The following ZNF141 variants were observed in gnomAD, a reference collection of about 807,000 sequenced individuals.
ZNF141 encodes the protein zinc finger protein 141 (clone pHZ-44).
In ZNF141, 7 loss-of-function variants were observed where a neutral mutation model predicts 11.3. The ratio of observed to expected loss-of-function variants is 0.62; its 90% CI spans 0.35 to 1.16. ZNF141 has a LOEUF of 1.16. ZNF141 is among the 50% of genes most tolerant of loss of function. The probability of loss-of-function intolerance (pLI) is 0.02; values close to 1 mark genes in which losing one functional copy is unlikely to be tolerated. For missense variants in ZNF141, 535 were observed against 554.0 expected, an observed-to-expected ratio of 0.97 and a Z score of 0.34; for synonymous variants, 183 against 190.7, an observed-to-expected ratio of 0.96 and a Z score of 0.33.
rs1553855560 is a variant in ZNF141 at position 381,218 on chromosome 4, G to A, written c.*7356G>A. ...TAGTTTCCTTTGTGCCTGTTTCTCA[G>A]TTTTGCCTAAATGCTACCAATTATC... On this transcript the variant is annotated 3_prime_UTR_variant, in exon 4 of 4. Coordinates refer to ENST00000240499, the MANE Select transcript of ZNF141 (RefSeq NM_003441.4). 1.3e-5 allele frequency among the ~76,000 whole-genome samples: 2 copies of A among 151,972 alleles called. No homozygotes were observed. Among genetic ancestry groups the A allele is most frequent in the Admixed American group, 1.3e-4 (2 of 15,260 alleles).
In ZNF141 at chr4:378,802, T is replaced by C. The variant is rs373772651; in HGVS notation, c.*4940T>C. ...TCTCTGGAAAAAAATTTGAAGATTATGGCAGCTGTTGAATCCAAACAGTTT... is the reference window on the plus strand; with the variant it reads ...TCTCTGGAAAAAAATTTGAAGATTACGGCAGCTGTTGAATCCAAACAGTTT... On this transcript the variant is annotated 3_prime_UTR_variant, in exon 4 of 4. Transcript: ENST00000240499. 6.6e-6 allele frequency among the ~76,000 whole-genome samples: 1 copy of C among 151,186 alleles called. No individual in the cohort carries two copies. Among genetic ancestry groups the C allele is most frequent in the South Asian group, 2.1e-4 (1 of 4,796 alleles).
At chr4:348,576 G>T (rs1007485773) in intron 3 of ZNF141, among the ~76,000 whole-genome samples, 2 of 151,974 alleles carry the variant, frequency 1.3e-5, no homozygotes, top group Non-Finnish European at 2.9e-5. Flanking sequence ...CTAGCTAGGG[G>T]TGGTAGTGGG....
chr4:383,150 T>G lies in ZNF141; in HGVS notation c.*9288T>G, dbSNP rs868979390. ...TTTTAGCTTTCTGGAGAATAGCATC[T>G]GAGAAAAGCCAAAGTGCCTCAGTTT... On this transcript the variant is annotated 3_prime_UTR_variant, in exon 4 of 4. Coordinates refer to ENST00000240499, the MANE Select transcript of ZNF141 (RefSeq NM_003441.4). The G allele has an allele frequency of 8.8e-5, 62 of 701,792 alleles. 1 individual carries two copies. In the Middle Eastern group the frequency reaches 4.6e-3, roughly 52 times the overall value. 43.5% of individuals were successfully genotyped at this position (701,792 alleles called of 1,614,324 possible).
At chr4:353,484 A>G (rs1721705335) in intron 3 of ZNF141, among the ~76,000 whole-genome samples, 1 of 140,842 alleles carries the variant, frequency 7.1e-6, no homozygotes, top group African/African-American at 2.7e-5. Flanking sequence ...TTTTTTGGAG[A>G]CAGAGTCTCA....
In ZNF141 at chr4:382,886, A is replaced by G; in HGVS notation, c.*9024A>G. The G allele has an allele frequency of 4.5e-6, 2 of 441,056 alleles. No homozygotes were observed. Among genetic ancestry groups the G allele is most frequent in the Non-Finnish European group, 8.1e-6 (2 of 247,476 alleles). The allele number at this position is 441,056 out of a possible 1,614,324, so 27.3% of individuals were successfully genotyped here. ...TTACACAAGACACATCTACAAGAAAAGTCATGATAAAATTGATTGCAAAAA... is the reference window on the plus strand; with the variant it reads ...TTACACAAGACACATCTACAAGAAAGGTCATGATAAAATTGATTGCAAAAA... On this transcript the variant is annotated 3_prime_UTR_variant, in exon 4 of 4. Transcript: ENST00000240499.
intron 3 of ZNF141, among the ~76,000 whole-genome samples, chr4:359,581 C>CCCTG (rs1390167924): frequency 2.0e-5 from 3 of 152,146 alleles, no homozygotes; most frequent in African/African-American, 7.2e-5. Flanking sequence ...CAGGACTTCT[C>CCCTG]CCTGCCTCTA....
At position 351,471 on chromosome 4, in the gene ZNF141, C is replaced by T. The variant is rs532052145; in HGVS notation, c.226+7041C>T. On this transcript the variant is annotated intron_variant, in intron 3 of 3. Transcript: ENST00000240499. ...GTGGTCTCCTGACCTCATGATCCGC[C>T]CCTCGGCCTCCAAAAGTGCTGAGAT... Among the ~76,000 whole-genome samples, 424 of 151,646 alleles carry T rather than the reference C, an allele frequency of 2.8e-3. 4 individuals are homozygous for T. The highest frequency in any genetic ancestry group is 9.8e-3 in the African/African-American group (405 of 41,354).
Position 371,235 on chromosome 4 carries a change from A to AT in ZNF141, c.227-1415dup, listed in dbSNP as rs1174649105. Among the ~76,000 whole-genome samples, 213 of 140,394 alleles carry AT rather than the reference A, an allele frequency of 1.5e-3. 2 individuals carry two copies. The highest frequency in any genetic ancestry group is 4.0e-3 in the South Asian group (18 of 4,498). The allele number at this position is 140,394 out of a possible 152,430, so 92.1% of individuals were successfully genotyped here. A position where few individuals can be genotyped will look rare whatever the true frequency, so the allele number is the denominator to read the frequency against. On this transcript the variant is annotated intron_variant, in intron 3 of 3. Transcript: ENST00000240499. Reference sequence around the variant, plus strand: ...CTTCATTTTTAATTTTTGTTCTGGAATTTTTTTTTTTTTTGAGATGGAGTC... The same window carrying AT: ...CTTCATTTTTAATTTTTGTTCTGGAATTTTTTTTTTTTTTTGAGATGGAGTC...
intron 1 of ZNF141, among the ~76,000 whole-genome samples, chr4:340,455 C>G (rs1553848245): frequency 6.6e-6 from 1 of 152,210 alleles, no homozygotes; most frequent in African/African-American, 2.4e-5. Flanking sequence ...ATTCAGAAAT[C>G]ATGGGGCCCA....
intron 3 of ZNF141, among the ~76,000 whole-genome samples, chr4:345,120 ATG>A (rs1277757057): frequency 3.3e-5 from 5 of 152,164 alleles, no homozygotes; most frequent in Non-Finnish European, 1.5e-5. Flanking sequence ...TATGTCTAAA[ATG>A]TGTAACGTGA....
chr4:353,499 C>T (rs868936210), intron 3 of ZNF141, among the ~76,000 whole-genome samples: 14 of 146,336 alleles, frequency 9.6e-5, no homozygotes, highest in Non-Finnish European at 1.5e-4. Flanking sequence ...GTCTCACTCT[C>T]GTCCAGGCTG....
At chr4:341,779 C>T (rs538218662) in intron 1 of ZNF141, among the ~76,000 whole-genome samples, 1 of 152,348 alleles carries the variant, frequency 6.6e-6, no homozygotes, top group East Asian at 1.9e-4. Flanking sequence ...AGGGTGGCTA[C>T]TCCAGTCTCC....
chr4:338,119 G>T, intron 1 of ZNF141, 133 bp downstream of exon 1: 1 of 1,230,340 alleles, frequency 8.1e-7, no homozygotes, highest in Non-Finnish European at 1.1e-6. Flanking sequence ...GTACCCTCCG[G>T]TGAGGGACCT....
intron 3 of ZNF141, among the ~76,000 whole-genome samples, chr4:356,470 C>T (rs543485377): frequency 2.6e-4 from 40 of 151,784 alleles, no homozygotes; most frequent in African/African-American, 8.9e-4. Context: ...GGACTACAGG[C>T]GCGTGCCACC....
chr4:365,104 G>A (rs1469011032), intron 3 of ZNF141, among the ~76,000 whole-genome samples: 3 of 152,212 alleles, frequency 2.0e-5, no homozygotes, highest in Admixed American at 6.5e-5. Context: ...TGCTAGCAGT[G>A]AGCAAGGCTC....
Position 377,541 on chromosome 4 carries a change from C to G in ZNF141, c.*3679C>G, listed in dbSNP as rs1209452332. ...GCCTTTCTTCATTTTTGCGTTATGG[C>G]TAGTTTGTCACTGTTCTCTTCATTC... On this transcript the variant is annotated 3_prime_UTR_variant, in exon 4 of 4. Coordinates refer to ENST00000240499, the MANE Select transcript of ZNF141 (RefSeq NM_003441.4). Among the ~76,000 whole-genome samples, 1 of 152,140 alleles carries G rather than the reference C, an allele frequency of 6.6e-6. No individual in the cohort carries two copies. The highest frequency in any genetic ancestry group is 1.5e-5 in the Non-Finnish European group (1 of 68,012).
At position 378,917 on chromosome 4, in the gene ZNF141, T is replaced by C. The variant is rs549868021; in HGVS notation, c.*5055T>C. Among the ~76,000 whole-genome samples, 106 of 140,974 alleles carry C rather than the reference T, an allele frequency of 7.5e-4. No homozygotes were observed. The highest frequency in any genetic ancestry group is 2.7e-3 in the African/African-American group (99 of 37,100). The allele number at this position is 140,974 out of a possible 152,430, so 92.5% of individuals were successfully genotyped here. ...TGGAGTGCAGTGGCACAATCTCAGCTCATTGCAACCTCCACCTCTCGGGTT... is the reference window on the plus strand; with the variant it reads ...TGGAGTGCAGTGGCACAATCTCAGCCCATTGCAACCTCCACCTCTCGGGTT... On this transcript the variant is annotated 3_prime_UTR_variant, in exon 4 of 4. Transcript: ENST00000240499.
At chr4:340,145 G>C (rs1227437446) in intron 1 of ZNF141, among the ~76,000 whole-genome samples, 1 of 152,184 alleles carries the variant, frequency 6.6e-6, no homozygotes, top group Non-Finnish European at 1.5e-5. Flanking sequence ...TGATTTTGCT[G>C]TTATATTTTC....
chr4:343,724 CAAAAAAAAAAAAA>C, intron 1 of ZNF141, 45 bp from the exon 2 acceptor site: 9 of 872,760 alleles, frequency 1.0e-5, no homozygotes, highest in South Asian at 8.0e-5. Context: ...GACTCCGTCT[CAAAAAAAAAAAAA>C]AAAAAAAAAA....
Sources: allele counts gnomAD v4.1 joint callset (sites outside exome capture counted in the v4.1 genomes callset), GRCh38; gene constraint gnomAD v4.1.1; transcripts MANE v1.5; gene names NCBI Gene and HGNC (gene_info 2026-07-23, HGNC 2026-07-21).